The following CCDC88A variants were observed in gnomAD, a reference collection of about 807,000 sequenced individuals.
CCDC88A encodes the protein coiled-coil and HOOK domain protein 88A, also known as girdin.
CCDC88A carries 54 observed loss-of-function variants against 234.3 expected under a neutral mutation model. The observed-to-expected ratio is 0.23, with a 90% CI of 0.19 to 0.29. CCDC88A has a LOEUF of 0.29. CCDC88A is among the 10% of genes least tolerant of loss of function. The pLI is 1.00. For synonymous variants in CCDC88A, 753 were observed against 737.8 expected (o/e 1.02, Z -0.33); for missense variants, 1,832 against 2,123.4 (o/e 0.86, Z 2.70).
At chr2:55,364,751 A>G (rs1327266974) in intron 5 of CCDC88A, among the ~76,000 whole-genome samples, 1 of 152,134 alleles carries the variant, frequency 6.6e-6, no homozygotes, top group East Asian at 1.9e-4. Flanking sequence ...TTAAAATGCA[A>G]AACAATCTTT....
At chr2:55,312,350 G>C in intron 23 of CCDC88A, 84 bp downstream of exon 23, 13 of 1,203,404 alleles carry the variant, frequency 1.1e-5, no homozygotes, top group Non-Finnish European at 1.5e-5. Flanking sequence ...GTAAAAATTA[G>C]CATGAATTTT....
chr2:55,291,687 C>T lies in CCDC88A; in HGVS notation c.*24G>A, dbSNP rs1209391660. ...AGCAGGAAACTCACCACTTGGCCCA[C>T]ATGTCATGTAGTGGGTAATAGAATT... is the stretch of plus-strand genomic sequence containing the variant. On this transcript the variant is annotated 3_prime_UTR_variant, in exon 32 of 33. Transcript: ENST00000436346. 6.6e-7 allele frequency: 1 copy of T among 1,508,090 alleles called. No individual in the cohort carries two copies. Among genetic ancestry groups the T allele is most frequent in the Non-Finnish European group, 9.1e-7 (1 of 1,096,038 alleles). 93.4% of individuals were successfully genotyped at this position (1,508,090 alleles called of 1,614,324 possible).
chr2:55,364,340 G>A (rs1430028481), intron 5 of CCDC88A: 1 of 174,924 alleles, frequency 5.7e-6, no homozygotes, highest in East Asian at 1.5e-4. Context: ...GAGAAGTAAA[G>A]AATCAAGAAC....
Position 55,289,775 on chromosome 2 carries a change from A to AAGAGAGAG in CCDC88A, c.*1417_*1424dup, listed in dbSNP as rs55678906. 2.0e-5 allele frequency: 3 copies of AAGAGAGAG among 148,852 alleles called. No homozygotes were observed. The highest frequency in any genetic ancestry group is 7.4e-5 in the African/African-American group (3 of 40,508). 9.2% of individuals were successfully genotyped at this position (148,852 alleles called of 1,614,324 possible). On this transcript the variant is annotated 3_prime_UTR_variant, in exon 33 of 33. Coordinates refer to ENST00000436346, the MANE Select transcript of CCDC88A (RefSeq NM_001365480.1). ...AGAGAGAGAGAAAGAGGGAGAGAGA[A>AAGAGAGAG]AGAGAGAGAGAGAGAGAGAGAGAGA... is the stretch of plus-strand genomic sequence containing the variant.
At chr2:55,315,276 C>T (rs187093423) in intron 22 of CCDC88A, 51 of 152,302 alleles carry the variant, frequency 3.3e-4, no homozygotes, top group African/African-American at 1.1e-3. Flanking sequence ...GCCCTGTGCT[C>T]TGTCAAAACT....
At chr2:55,296,149 A>C in intron 30 of CCDC88A, 93 bp from the exon 31 acceptor site, 1 of 1,299,154 alleles carries the variant, frequency 7.7e-7, no homozygotes, top group African/African-American at 1.5e-5. Flanking sequence ...AAATTGTGGT[A>C]CCTCTTAATA....
intron 8 of CCDC88A, among the ~76,000 whole-genome samples, chr2:55,352,153 C>A (rs943930043): frequency 1.3e-5 from 2 of 151,886 alleles, no homozygotes; most frequent in African/African-American, 2.4e-5. Context: ...GGTGTGTGGG[C>A]TGGGCACAGT....
chr2:55,372,653 T>C (rs372013716), intron 4 of CCDC88A, 143 bp from the exon 5 acceptor site: 3 of 484,268 alleles, frequency 6.2e-6, no homozygotes, highest in African/African-American at 2.0e-5. Context: ...GCATTCAAAA[T>C]AGCAGCTCTG....
At chr2:55,361,662 C>G (rs1671337752) in intron 7 of CCDC88A, among the ~76,000 whole-genome samples, 3 of 152,176 alleles carry the variant, frequency 2.0e-5, no homozygotes, top group Admixed American at 2.0e-4. Flanking sequence ...TGGCAGAGTA[C>G]TTTGCTCTGC....
intron 13 of CCDC88A, chr2:55,337,520 A>T (rs1376966168): frequency 6.6e-6 from 1 of 152,212 alleles, no homozygotes; most frequent in East Asian, 1.9e-4. Context: ...CTGCAAGTTA[A>T]ATGTTAAATT....
Position 55,297,385 on chromosome 2 carries a change from A to G in CCDC88A, c.4826-862T>C, listed in dbSNP as rs1362121673. Among the ~76,000 whole-genome samples, 19 of 112,032 alleles carry G rather than the reference A, an allele frequency of 1.7e-4. 2 individuals carry two copies. Among genetic ancestry groups the G allele is most frequent in the African/African-American group, 5.6e-4 (16 of 28,634 alleles). The allele number at this position is 112,032 out of a possible 152,430, so 73.5% of individuals were successfully genotyped here. A position where few individuals can be genotyped will look rare whatever the true frequency, so the allele number is the denominator to read the frequency against. On this transcript the variant is annotated intron_variant, in intron 29 of 32. Transcript: ENST00000436346. ...TATATAATATATATTATATATAAAT[A>G]TATATTATATATAAATATACATATG...
chr2:55,410,188 G>A (rs1680245781), intron 2 of CCDC88A, among the ~76,000 whole-genome samples: 1 of 152,070 alleles, frequency 6.6e-6, no homozygotes, highest in Non-Finnish European at 1.5e-5. Flanking sequence ...GTACACCCTT[G>A]GGCCAAGGAG....
intron 17 of CCDC88A, among the ~76,000 whole-genome samples, chr2:55,327,548 G>C (rs1684423747): frequency 6.6e-6 from 1 of 152,144 alleles, no homozygotes; most frequent in African/African-American, 2.4e-5. Flanking sequence ...ACACTGCCCT[G>C]CTATCTATTT....
chr2:55,317,162 C>T lies in CCDC88A; in HGVS notation c.3746+44G>A. The T allele has an allele frequency of 1.2e-6, 1 of 856,634 alleles. No homozygotes were observed. Among genetic ancestry groups the T allele is most frequent in the South Asian group, 3.6e-5 (1 of 27,930 alleles). 53.1% of individuals were successfully genotyped at this position (856,634 alleles called of 1,614,324 possible). A position where few individuals can be genotyped will look rare whatever the true frequency, so the allele number is the denominator to read the frequency against. On this transcript the variant is annotated intron_variant, in intron 21 of 32. Transcript: ENST00000436346. This position sits in a 1 kb window ranked among gnomAD's most constrained non-coding sequence, Gnocchi z 4.2. ...ATATATACACATATATATGTATATA[C>T]TTTCTATATAAAATGTTTGTTATAT...
intron 31 of CCDC88A, chr2:55,292,170 A>G (rs572463865): frequency 6.4e-6 from 1 of 156,564 alleles, no homozygotes; most frequent in Non-Finnish European, 1.4e-5. Flanking sequence ...TTATAGGCAA[A>G]TAATGTTCCT....
At chr2:55,326,147 C>T (rs1684230999) in intron 17 of CCDC88A, among the ~76,000 whole-genome samples, 2 of 150,404 alleles carry the variant, frequency 1.3e-5, no homozygotes, top group Non-Finnish European at 2.9e-5. Flanking sequence ...TTTGTCCAAT[C>T]TGTACTTTCT....
chr2:55,334,565 T>G lies in CCDC88A; in HGVS notation c.2256A>C (p.Glu752Asp). The G allele has an allele frequency of 1.2e-6, 2 of 1,613,008 alleles. No individual in the cohort carries two copies. The highest frequency in any genetic ancestry group is 1.7e-6 in the Non-Finnish European group (2 of 1,179,644). ...AACCCTGGTAGCTAACTTCTAAGCG[T>G]TCTGTTTTCTTGAAAGATGCTTTCA... ...ELLKASFKKT[E>D]RLEVSYQGLD... The change falls in exon 15 of 33, where the codon GAA becomes GAC. Residue 752 changes from glutamate (E) to aspartate (D), a missense_variant. Coordinates refer to ENST00000436346, the MANE Select transcript of CCDC88A (RefSeq NM_001365480.1). The surrounding 1 kb of genome is among the most constrained non-coding windows in gnomAD (Gnocchi z 6.1).
At chr2:55,379,518 G>A (rs923245367) in intron 3 of CCDC88A, among the ~76,000 whole-genome samples, 1 of 152,196 alleles carries the variant, frequency 6.6e-6, no homozygotes, top group African/African-American at 2.4e-5. Flanking sequence ...TCTAGACACT[G>A]AAAATACAGC....
chr2:55,375,468 ACTAT>A (rs71645336), intron 3 of CCDC88A, among the ~76,000 whole-genome samples: 25 of 129,690 alleles, frequency 1.9e-4, no homozygotes, highest in South Asian at 4.9e-4. Flanking sequence ...CTGTCACTGT[ACTAT>A]ATATATATAT....
Sources: gnomAD v4.1 joint callset for allele counts (sites outside exome capture counted in the v4.1 genomes callset) on GRCh38, gnomAD v4.1.1 for gene constraint, Gnocchi (gnomAD v3.1) non-coding constraint, MANE v1.5 for transcripts, NCBI Gene and HGNC (gene_info 2026-07-23, HGNC 2026-07-21) for gene names.